The following CADM2 variants were observed in gnomAD, a reference collection of about 807,000 sequenced individuals.
The protein encoded by CADM2 is cell adhesion molecule 2.
A neutral mutation model predicts 49.8 loss-of-function variants in CADM2; 12 were observed. The observed-to-expected ratio is 0.24, with a 90% CI of 0.15 to 0.39. The LOEUF (loss-of-function observed/expected upper bound fraction) is 0.39. Ranked by LOEUF, CADM2 falls within the 10% of genes least tolerant of loss-of-function variation. The probability of loss-of-function intolerance (pLI) is 1.00; values close to 1 mark genes in which losing one functional copy is unlikely to be tolerated. For synonymous variants in CADM2, 214 were observed against 175.4 expected, an observed-to-expected ratio of 1.22 and a Z score of -1.74; for missense variants, 378 against 492.3, an observed-to-expected ratio of 0.77 and a Z score of 2.20.
chr3:85,347,908 C>T (rs1294788226), intron 1 of CADM2, among the ~76,000 whole-genome samples: 6 of 151,386 alleles, frequency 4.0e-5, no homozygotes, highest in Non-Finnish European at 8.8e-5. Flanking sequence ...CCTAGGTTCA[C>T]GCCATTCTCC....
intron 1 of CADM2, among the ~76,000 whole-genome samples, chr3:85,651,984 C>CTTTTTTTTTTTTTTTTT (rs75263402): frequency 9.5e-6 from 1 of 105,464 alleles, no homozygotes; most frequent in Admixed American, 1.1e-4. Flanking sequence ...CGCCCGGCTA[C>CTTTTTTTTTTTTTTTTT]TTTTTTTTTT....
At chr3:85,415,615 G>T (rs1362865037) in intron 1 of CADM2, among the ~76,000 whole-genome samples, 2 of 152,088 alleles carry the variant, frequency 1.3e-5, no homozygotes, top group South Asian at 2.1e-4. Context: ...TACTTGAAAA[G>T]AAATGTAAAT....
At chr3:85,413,161 A>AAAAAAAAAAAAAAAAAT (rs1553720239) in intron 1 of CADM2, among the ~76,000 whole-genome samples, 3 of 108,526 alleles carry the variant, frequency 2.8e-5, no homozygotes, top group African/African-American at 1.2e-4. Context: ...AAAAAAAAAA[A>AAAAAAAAAAAAAAAAAT]AATAATAATA....
chr3:85,909,257 G>C (rs1425006753), intron 5 of CADM2, among the ~76,000 whole-genome samples: 1 of 152,096 alleles, frequency 6.6e-6, no homozygotes, highest in Non-Finnish European at 1.5e-5. Context: ...ACTAGAGAGA[G>C]TAGGAGGAGT....
At chr3:86,061,664 A>G (rs1056616449) in intron 8 of CADM2, among the ~76,000 whole-genome samples, 2 of 151,842 alleles carry the variant, frequency 1.3e-5, no homozygotes, top group African/African-American at 2.4e-5. Flanking sequence ...TTGATTACAT[A>G]AAGTTGTAAG....
intron 6 of CADM2, among the ~76,000 whole-genome samples, chr3:85,925,609 C>G (rs990083147): frequency 5.9e-5 from 9 of 152,074 alleles, no homozygotes; most frequent in African/African-American, 1.9e-4. Flanking sequence ...CCCCACTGTT[C>G]CTATTGAGTG....
chr3:85,897,680 G>A (rs868628782), intron 5 of CADM2, among the ~76,000 whole-genome samples: 10 of 152,186 alleles, frequency 6.6e-5, no homozygotes, highest in Middle Eastern at 3.4e-3. Flanking sequence ...GAAACTACTT[G>A]ATAAATGGTA....
At chr3:85,490,459 C>T (rs2039625534) in intron 1 of CADM2, among the ~76,000 whole-genome samples, 2 of 151,918 alleles carry the variant, frequency 1.3e-5, no homozygotes, top group Admixed American at 1.3e-4. Flanking sequence ...TGGCTTACAC[C>T]TATAATACTA....
intron 1 of CADM2, among the ~76,000 whole-genome samples, chr3:85,650,732 G>A (rs905279630): frequency 6.6e-6 from 1 of 151,632 alleles, no homozygotes; most frequent in African/African-American, 2.4e-5. Context: ...TCAAGTTTGA[G>A]AACCAGTACT....
intron 1 of CADM2, among the ~76,000 whole-genome samples, chr3:84,984,033 A>T (rs1293364607): frequency 1.3e-5 from 1 of 76,500 alleles, no homozygotes; most frequent in East Asian, 2.7e-4. Context: ...CTTCATTGTG[A>T]TATATATATA....
chr3:85,507,427 G>A (rs1172043453), intron 1 of CADM2, among the ~76,000 whole-genome samples: 2 of 152,020 alleles, frequency 1.3e-5, no homozygotes, highest in African/African-American at 2.4e-5. Flanking sequence ...GATCCCAAGT[G>A]ATCCGCCTGC....
At chr3:85,440,580 G>A (rs952610449) in intron 1 of CADM2, among the ~76,000 whole-genome samples, 3 of 152,096 alleles carry the variant, frequency 2.0e-5, no homozygotes, top group African/African-American at 7.2e-5. Context: ...TTAAATGACG[G>A]TCTCTAAGAT....
chr3:85,331,266 C>A (rs902334333), intron 1 of CADM2, among the ~76,000 whole-genome samples: 1 of 151,996 alleles, frequency 6.6e-6, no homozygotes, highest in Non-Finnish European at 1.5e-5. Flanking sequence ...ACCATTCTTT[C>A]TTTATTCCTA....
chr3:85,054,766 A>G (rs1440883247), intron 1 of CADM2, among the ~76,000 whole-genome samples: 3 of 152,058 alleles, frequency 2.0e-5, no homozygotes, highest in South Asian at 2.1e-4. Context: ...TTGGTGAAGG[A>G]CGTGCAAGTA....
At chr3:85,445,892 A>C (rs1203111504) in intron 1 of CADM2, among the ~76,000 whole-genome samples, 1 of 152,174 alleles carries the variant, frequency 6.6e-6, no homozygotes, top group Admixed American at 6.5e-5. Context: ...GTTACATGCA[A>C]TATACTACAA....
chr3:85,288,793 C>G lies in CADM2; in HGVS notation c.61+329125C>G, dbSNP rs547404557. ...TCTGCTTTACCAATATGCCCCCCCC[C>G]CCTCTTTTTTTCCATCATGGCTAAT... On this transcript the variant is annotated intron_variant, in intron 1 of 9. Coordinates refer to ENST00000383699, the MANE Select transcript of CADM2 (RefSeq NM_001167675.2). 2.9e-4 allele frequency among the ~76,000 whole-genome samples: 40 copies of G among 136,370 alleles called. 4 individuals carry two copies. The highest frequency in any genetic ancestry group is 1.4e-3 in the Admixed American group (19 of 13,320). 89.5% of individuals were successfully genotyped at this position (136,370 alleles called of 152,430 possible).
intron 1 of CADM2, among the ~76,000 whole-genome samples, chr3:85,095,910 T>C (rs1559658374): frequency 6.6e-6 from 1 of 152,018 alleles, no homozygotes; most frequent in Non-Finnish European, 1.5e-5. Flanking sequence ...TCAGCCTTAC[T>C]TACTCTGCTT....
At chr3:85,338,379 A>T (rs1576373615) in intron 1 of CADM2, among the ~76,000 whole-genome samples, 1 of 151,590 alleles carries the variant, frequency 6.6e-6, no homozygotes, top group Non-Finnish European at 1.5e-5. Flanking sequence ...AAGAGTACAG[A>T]GTTTTTGTTT....
rs72905225 is a variant in CADM2, at chr3:85,102,150, A to G, written c.61+142482A>G. On this transcript the variant is annotated intron_variant, in intron 1 of 9. Coordinates refer to ENST00000383699, the MANE Select transcript of CADM2 (RefSeq NM_001167675.2). ...AAAGCTTAATCTGGCTCAGAGCTCC[A>G]ACCCCTGCCATTGTTATGCCATGCC... is the stretch of plus-strand genomic sequence containing the variant. Among the ~76,000 whole-genome samples the G allele has an allele frequency of 7.2e-3, 1,098 of 152,322 alleles. 18 individuals carry two copies. Among genetic ancestry groups the G allele is most frequent in the African/African-American group, 0.025 (1,024 of 41,582 alleles).
Sources: gnomAD v4.1 joint callset for allele counts (sites outside exome capture counted in the v4.1 genomes callset) on GRCh38, gnomAD v4.1.1 for gene constraint, MANE v1.5 for transcripts, NCBI Gene and HGNC (gene_info 2026-07-23, HGNC 2026-07-21) for gene names.